The following LRRIQ3 variants were observed in gnomAD, a reference collection of about 807,000 sequenced individuals.
The protein encoded by LRRIQ3 is leucine-rich repeat and IQ domain-containing protein 3.
In LRRIQ3, 75 loss-of-function variants were observed where a neutral mutation model predicts 59.3. The ratio of observed to expected loss-of-function variants is 1.26; its 90% CI spans 1.05 to 1.53. LRRIQ3 has a LOEUF of 1.53. Ranked by LOEUF, LRRIQ3 falls within the 40% of genes most tolerant of loss-of-function variation. The pLI is 0.00. For synonymous variants in LRRIQ3, 250 were observed against 231.3 expected (o/e 1.08, Z -0.73); for missense variants, 831 against 710.0 (o/e 1.17, Z -1.94).
intron 4 of LRRIQ3, among the ~76,000 whole-genome samples, chr1:74,151,079 G>A (rs1354985617): frequency 2.1e-5 from 3 of 141,176 alleles, no homozygotes; most frequent in Admixed American, 7.5e-5. Context: ...GTGCAGTGGC[G>A]CGATCTCGGC....
chr1:74,056,818 T>C (rs1654549391), intron 6 of LRRIQ3, among the ~76,000 whole-genome samples: 2 of 152,222 alleles, frequency 1.3e-5, no homozygotes, highest in South Asian at 2.1e-4. Context: ...AAGTCTCAAC[T>C]TGAATTGTTA....
chr1:74,043,475 G>A (rs1654109595), intron 6 of LRRIQ3, among the ~76,000 whole-genome samples: 1 of 152,046 alleles, frequency 6.6e-6, no homozygotes, highest in South Asian at 2.1e-4. Context: ...AAATTCTACA[G>A]CAAAGTAGGA....
At chr1:74,052,906 T>A (rs760679859) in intron 6 of LRRIQ3, among the ~76,000 whole-genome samples, 1 of 152,196 alleles carries the variant, frequency 6.6e-6, no homozygotes, top group Admixed American at 6.6e-5. Context: ...TGTTCACTAT[T>A]CTTTCTGGTT....
At chr1:74,082,742 CA>C (rs1473289391) in intron 5 of LRRIQ3, 4 of 151,308 alleles carry the variant, frequency 2.6e-5, no homozygotes, top group Non-Finnish European at 5.9e-5. Flanking sequence ...CTCCTATTAA[CA>C]AAGTAGCTAT....
chr1:74,104,536 G>T (rs1037949696), intron 5 of LRRIQ3, among the ~76,000 whole-genome samples: 1 of 151,952 alleles, frequency 6.6e-6, no homozygotes, highest in Non-Finnish European at 1.5e-5. Flanking sequence ...AAGGCATAAA[G>T]GAGACTTAAA....
At chr1:74,178,635 G>C (rs1649789590) in intron 3 of LRRIQ3, among the ~76,000 whole-genome samples, 1 of 152,058 alleles carries the variant, frequency 6.6e-6, no homozygotes, top group African/African-American at 2.4e-5. Context: ...AATATTAGTT[G>C]CCTTACAAGA....
intron 4 of LRRIQ3, among the ~76,000 whole-genome samples, chr1:74,134,972 T>C (rs539336731): frequency 6.6e-6 from 1 of 152,046 alleles, no homozygotes; most frequent in Non-Finnish European, 1.5e-5. Context: ...AACTTAAAAA[T>C]AGCAAAACGT....
At chr1:74,054,750 A>C (rs948213978) in intron 6 of LRRIQ3, among the ~76,000 whole-genome samples, 9 of 145,740 alleles carry the variant, frequency 6.2e-5, no homozygotes, top group African/African-American at 1.5e-4. Context: ...ATATATATAT[A>C]TATATATCTA....
At chr1:74,044,635 C>CAG (rs912311976) in intron 6 of LRRIQ3, among the ~76,000 whole-genome samples, 14 of 151,958 alleles carry the variant, frequency 9.2e-5, no homozygotes, top group African/African-American at 3.1e-4. Flanking sequence ...CTGAAGGAGA[C>CAG]AGAGTCACAA....
intron 5 of LRRIQ3, among the ~76,000 whole-genome samples, chr1:74,081,636 A>G (rs375817584): frequency 6.6e-6 from 1 of 151,652 alleles, no homozygotes; most frequent in South Asian, 2.1e-4. Flanking sequence ...CAGAATATAT[A>G]GTTTTCATTT....
chr1:74,177,694 T>TA (rs1318354339), intron 3 of LRRIQ3, among the ~76,000 whole-genome samples: 1 of 151,652 alleles, frequency 6.6e-6, no homozygotes, highest in African/African-American at 2.4e-5. Flanking sequence ...TTAAGGAACA[T>TA]ATATTTTAAT....
At chr1:74,165,439 C>T (rs1648923334) in intron 3 of LRRIQ3, among the ~76,000 whole-genome samples, 1 of 151,452 alleles carries the variant, frequency 6.6e-6, no homozygotes, top group Non-Finnish European at 1.5e-5. Context: ...GTTTATCTGG[C>T]ATACTGAGAC....
intron 6 of LRRIQ3, among the ~76,000 whole-genome samples, chr1:74,044,106 T>C (rs1300957513): frequency 6.6e-6 from 1 of 152,134 alleles, no homozygotes; most frequent in East Asian, 1.9e-4. Flanking sequence ...ATGTAGTAGT[T>C]TTTAGCTATA....
chr1:74,149,995 G>A (rs772200587), intron 4 of LRRIQ3, among the ~76,000 whole-genome samples: 3 of 152,158 alleles, frequency 2.0e-5, no homozygotes, highest in Non-Finnish European at 4.4e-5. Context: ...GGAAATGTAG[G>A]AAAGGGGAAT....
chr1:74,026,619 C>T lies in LRRIQ3; in HGVS notation c.*194G>A. 2.2e-6 allele frequency: 1 copy of T among 458,424 alleles called. No homozygotes were observed. The highest frequency in any genetic ancestry group is 3.7e-6 in the Non-Finnish European group (1 of 268,574). 28.4% of individuals were successfully genotyped at this position (458,424 alleles called of 1,614,324 possible). A position where few individuals can be genotyped will look rare whatever the true frequency, so the allele number is the denominator to read the frequency against. ...TGATCTAAGAAATTTTTCAGAGGTG[C>T]TAAGTCAACTTTAAGTTAAATTATG... On this transcript the variant is annotated 3_prime_UTR_variant, in exon 8 of 8. Transcript: ENST00000354431.
rs1651343985 is a variant in LRRIQ3, at chr1:74,198,031, G to C, written c.-36C>G. The C allele has an allele frequency of 2.6e-5, 19 of 721,412 alleles. No homozygotes were observed. Among genetic ancestry groups the C allele is most frequent in the Non-Finnish European group, 4.1e-5 (19 of 467,688 alleles). 44.7% of individuals were successfully genotyped at this position (721,412 alleles called of 1,614,324 possible). ...GGGCTGCAAGCCCTTATGAGTTGGAGACAAGTGGCCCAGCCCCAACACAGT... is the reference window on the plus strand; with the variant it reads ...GGGCTGCAAGCCCTTATGAGTTGGACACAAGTGGCCCAGCCCCAACACAGT... On this transcript the variant is annotated 5_prime_UTR_variant, in exon 1 of 8. Coordinates refer to ENST00000354431, the MANE Select transcript of LRRIQ3 (RefSeq NM_001105659.2).
intron 4 of LRRIQ3, among the ~76,000 whole-genome samples, chr1:74,150,221 T>C (rs1647842647): frequency 6.6e-6 from 1 of 152,112 alleles, no homozygotes; most frequent in East Asian, 1.9e-4. Context: ...GATTGAAAAG[T>C]TAGAGGAAGG....
At chr1:74,068,919 T>C (rs1654942678) in intron 6 of LRRIQ3, among the ~76,000 whole-genome samples, 1 of 151,946 alleles carries the variant, frequency 6.6e-6, no homozygotes, top group South Asian at 2.1e-4. Flanking sequence ...AAGAAAAATG[T>C]TGGAGGCAGA....
At chr1:74,124,699 T>C (rs1646910027) in intron 4 of LRRIQ3, among the ~76,000 whole-genome samples, 1 of 151,998 alleles carries the variant, frequency 6.6e-6, no homozygotes, top group African/African-American at 2.4e-5. Context: ...GAGTTCTCTA[T>C]TCTATTCCAT....
Sources: allele counts gnomAD v4.1 joint callset (sites outside exome capture counted in the v4.1 genomes callset), GRCh38; gene constraint gnomAD v4.1.1; transcripts MANE v1.5; gene names NCBI Gene and HGNC (gene_info 2026-07-23, HGNC 2026-07-21).